Variants in FMR1 observed in about 807,000 individuals in gnomAD.
FMR1 encodes FMRP translational regulator 1.
A neutral mutation model predicts 50.6 loss-of-function variants in FMR1; 13 were observed. That is an observed-to-expected ratio of 0.26 (90% CI 0.17 to 0.41). The LOEUF is 0.41. Among genes scored for constraint, FMR1 ranks in the 10% least tolerant of loss-of-function variants. The pLI, the probability that FMR1 is intolerant of heterozygous loss-of-function variation, is 1.00. For synonymous variants in FMR1, 138 were observed against 164.1 expected (o/e 0.84, Z 1.22); for missense variants, 316 against 491.3 (o/e 0.64, Z 3.37).
chrX:147,930,698 T>G (rs2043562164), intron 7 of FMR1, among the ~76,000 whole-genome samples: 1 of 112,072 alleles, frequency 8.9e-6, no homozygotes, highest in Non-Finnish European at 1.9e-5. Flanking sequence ...TTTCCCTAAC[T>G]TACTATTTTG....
rs1374762571 is a variant in FMR1, at chrX:147,949,516, T to C, written c.*672T>C. ...CAAACATTAGTACTTTATAGAAGAATGCATGCTTTCCATATTTTTTTCCTT... is the reference window on the plus strand; with the variant it reads ...CAAACATTAGTACTTTATAGAAGAACGCATGCTTTCCATATTTTTTTCCTT... On this transcript the variant is annotated 3_prime_UTR_variant, in exon 17 of 17. Transcript: ENST00000370475. 3.0e-6 allele frequency: 1 copy of C among 328,005 alleles called. No individual in the cohort carries two copies. Among genetic ancestry groups the C allele is most frequent in the Non-Finnish European group, 5.9e-6 (1 of 169,735 alleles). 27.0% of individuals were successfully genotyped at this position (328,005 alleles called of 1,213,427 possible). A position where few individuals can be genotyped will look rare whatever the true frequency, so the allele number is the denominator to read the frequency against.
intron 1 of FMR1, among the ~76,000 whole-genome samples, chrX:147,916,668 AGTTTGTTTCTTTGTTTCTTTG>A (rs1396831232): frequency 2.2e-3 from 129 of 58,466 alleles, no homozygotes; most frequent in East Asian, 0.018. Context: ...TTGCTCCTTT[AGTTTGTTTCTTTGTTTCTTTG>A]GTTTGTTTCT....
At position 147,930,258 on chromosome X, in the gene FMR1, C is replaced by G. The variant is rs1557178468; in HGVS notation, c.630+14C>G. The G allele has an allele frequency of 2.0e-6, 2 of 983,676 alleles. No homozygotes were observed. The highest frequency in any genetic ancestry group is 3.8e-5 in the African/African-American group (2 of 52,670). The allele number at this position is 983,676 out of a possible 1,213,427, so 81.1% of individuals were successfully genotyped here. On this transcript the variant is annotated intron_variant, in intron 7 of 16. Coordinates refer to ENST00000370475, the MANE Select transcript of FMR1 (RefSeq NM_002024.6). ...AAGCAGCTGGAGGTATGTCACTTTC[C>G]CTAGCACTGCTTGTAAGGGTACCTA... is the stretch of plus-strand genomic sequence containing the variant.
intron 9 of FMR1, among the ~76,000 whole-genome samples, chrX:147,934,930 A>T (rs782752230): frequency 3.6e-5 from 4 of 111,694 alleles, no homozygotes; most frequent in Non-Finnish European, 7.5e-5. Flanking sequence ...GCACTAATTT[A>T]TCTTTTCATT....
chrX:147,937,703 A>G, intron 11 of FMR1, 103 bp downstream of exon 11: 1 of 548,530 alleles, frequency 1.8e-6, no homozygotes, highest in Non-Finnish European at 3.3e-6. Flanking sequence ...TAGGCTACTT[A>G]TGTTCTATTT....
At chrX:147,945,485 A>G in intron 15 of FMR1, 49 bp from the exon 16 acceptor site, 1 of 1,005,791 alleles carries the variant, frequency 9.9e-7, no homozygotes, top group South Asian at 1.9e-5. Flanking sequence ...ACTTCCAGTA[A>G]GCATTTCAGA....
At chrX:147,931,333 C>T (rs1180588462) in intron 7 of FMR1, among the ~76,000 whole-genome samples, 2 of 111,636 alleles carry the variant, frequency 1.8e-5, no homozygotes, top group African/African-American at 6.5e-5. Flanking sequence ...AAAGAACGAA[C>T]CAGATTAATG....
chrX:147,939,690 A>T (rs1401896795), intron 12 of FMR1, among the ~76,000 whole-genome samples: 7 of 108,421 alleles, frequency 6.5e-5, no homozygotes, highest in African/African-American at 2.4e-4. Context: ...TGAGCCCAGG[A>T]ATTCGAGACC....
At chrX:147,939,646 C>T (rs181106620) in intron 12 of FMR1, among the ~76,000 whole-genome samples, 61 of 110,044 alleles carry the variant, frequency 5.5e-4, no homozygotes, top group African/African-American at 1.8e-3. Flanking sequence ...CCTGTAGTCC[C>T]GACACTTTGG....
chrX:147,926,286 G>A (rs1225097617), intron 3 of FMR1, among the ~76,000 whole-genome samples: 1 of 111,434 alleles, frequency 9.0e-6, no homozygotes, highest in East Asian at 2.8e-4. Flanking sequence ...AGTTTGTGTG[G>A]TATCTTCTCT....
At chrX:147,913,178 G>C (rs1788695162) in intron 1 of FMR1, 1 of 113,927 alleles carries the variant, frequency 8.8e-6, no homozygotes. Flanking sequence ...CTTTGAATTT[G>C]TGGTGTTGCA....
intron 16 of FMR1, among the ~76,000 whole-genome samples, chrX:147,945,992 T>C (rs2044158737): frequency 1.8e-5 from 2 of 112,157 alleles, no homozygotes; most frequent in Non-Finnish European, 3.8e-5. Flanking sequence ...TTCTCCTGCC[T>C]CAGCCTCCTG....
At chrX:147,928,537 A>G (rs781923784) in intron 4 of FMR1, 122 bp from the exon 5 acceptor site, 4 of 747,931 alleles carry the variant, frequency 5.3e-6, no homozygotes, top group African/African-American at 2.2e-5. Context: ...TGTGTTCAGT[A>G]TGTTTCTGTT....
chrX:147,937,365 T>TA (rs781854436), intron 10 of FMR1, 101 bp from the exon 11 acceptor site: 12 of 561,197 alleles, frequency 2.1e-5, no homozygotes, highest in Non-Finnish European at 3.4e-5. Flanking sequence ...TATAATAACT[T>TA]ACATTTTTTA....
intron 1 of FMR1, chrX:147,914,348 T>C (rs1388299099): frequency 8.9e-6 from 1 of 112,390 alleles, no homozygotes; most frequent in Non-Finnish European, 1.9e-5. Context: ...TTATATGACT[T>C]ATAATACTGC....
chrX:147,934,773 C>T (rs188525015), intron 9 of FMR1, among the ~76,000 whole-genome samples: 3 of 111,656 alleles, frequency 2.7e-5, no homozygotes, highest in Admixed American at 9.5e-5. Flanking sequence ...ACACTGGGAA[C>T]GTTGGAACTT....
At chrX:147,940,546 A>G in intron 12 of FMR1, 30 bp from the exon 13 acceptor site, 3 of 959,907 alleles carry the variant, frequency 3.1e-6, no homozygotes, top group Non-Finnish European at 4.5e-6. Context: ...CATTACTTTT[A>G]TAGGATCATT....
In FMR1 at chrX:147,949,532, T is replaced by G. The variant is rs1375033804; in HGVS notation, c.*688T>G. 9.1e-6 allele frequency: 3 copies of G among 327,885 alleles called. No individual in the cohort carries two copies. Among genetic ancestry groups the G allele is most frequent in the Non-Finnish European group, 1.8e-5 (3 of 169,696 alleles). 27.0% of individuals were successfully genotyped at this position (327,885 alleles called of 1,213,427 possible). ...ATAGAAGAATGCATGCTTTCCATAT[T>G]TTTTTCCTTACATAAACATCAGGTT... On this transcript the variant is annotated 3_prime_UTR_variant, in exon 17 of 17. Coordinates refer to ENST00000370475, the MANE Select transcript of FMR1 (RefSeq NM_002024.6).
chrX:147,921,988 A>G lies in FMR1; in HGVS notation c.104+3A>G, dbSNP rs781942661. The G allele has an allele frequency of 1.1e-5, 11 of 1,033,553 alleles. No individual in the cohort carries two copies. Among genetic ancestry groups the G allele is most frequent in the Middle Eastern group, 2.5e-4 (1 of 3,952 alleles). The allele number at this position is 1,033,553 out of a possible 1,213,427, so 85.2% of individuals were successfully genotyped here. ...ATAACAGTTGCATTTGAAAACAAGT[A>G]AGTGTCTCGTTATATAATTTTAATG... On this transcript the variant is annotated splice_donor_region_variant and intron_variant, in intron 2 of 16. Transcript: ENST00000370475.
Sources: gnomAD v4.1 joint callset for allele counts (sites outside exome capture counted in the v4.1 genomes callset) on GRCh38, gnomAD v4.1.1 for gene constraint, MANE v1.5 for transcripts, NCBI Gene and HGNC (gene_info 2026-07-23, HGNC 2026-07-21) for gene names.